The following YWHAQ variants were observed in gnomAD, a reference collection of about 807,000 sequenced individuals.
The protein encoded by YWHAQ is tyrosine 3-monooxygenase/tryptophan 5-monooxygenase activation protein theta.
Under a neutral mutation model 28.3 loss-of-function variants are expected in YWHAQ, and 6 were observed. The observed-to-expected ratio is 0.21, with a 90% CI of 0.12 to 0.42. The LOEUF (loss-of-function observed/expected upper bound fraction) is 0.42. Among genes scored for constraint, YWHAQ ranks in the 10% least tolerant of loss-of-function variants. The pLI, the probability that YWHAQ is intolerant of heterozygous loss-of-function variation, is 1.00. For synonymous variants in YWHAQ, 143 were observed against 119.1 expected (o/e 1.20, Z -1.31); for missense variants, 201 against 305.6 (o/e 0.66, Z 2.55).
chr2:9,586,138 T>G (rs943015162), intron 5 of YWHAQ, among the ~76,000 whole-genome samples: 5 of 152,200 alleles, frequency 3.3e-5, no homozygotes, highest in Non-Finnish European at 5.9e-5. Flanking sequence ...AAAGCAGACT[T>G]ACTTTGTGTT....
intron 2 of YWHAQ, among the ~76,000 whole-genome samples, chr2:9,594,273 T>A (rs941363759): frequency 2.6e-5 from 4 of 152,234 alleles, no homozygotes; most frequent in South Asian, 2.1e-4. Flanking sequence ...AATAGTTTTT[T>A]AATAAACTGA....
At chr2:9,613,076 A>G (rs1317697360) in intron 2 of YWHAQ, among the ~76,000 whole-genome samples, 1 of 152,212 alleles carries the variant, frequency 6.6e-6, no homozygotes, top group African/African-American at 2.4e-5. Context: ...CCATGAATGT[A>G]CACTATTTTA....
intron 2 of YWHAQ, among the ~76,000 whole-genome samples, chr2:9,592,437 T>G (rs1313397850): frequency 1.3e-5 from 2 of 152,080 alleles, no homozygotes; most frequent in Non-Finnish European, 2.9e-5. Context: ...TTTAAAAACC[T>G]TTTTAGGGCC....
At chr2:9,619,759 A>C (rs556778264) in intron 2 of YWHAQ, among the ~76,000 whole-genome samples, 18 of 152,198 alleles carry the variant, frequency 1.2e-4, no homozygotes, top group Non-Finnish European at 2.5e-4. Flanking sequence ...CCTCTTATCC[A>C]TCAGAATCCC....
intron 2 of YWHAQ, among the ~76,000 whole-genome samples, chr2:9,607,847 G>C (rs2125068732): frequency 6.6e-6 from 1 of 151,792 alleles, no homozygotes; most frequent in African/African-American, 2.4e-5. Flanking sequence ...AAGTAGCTGG[G>C]ACTACAGGTA....
chr2:9,589,262 T>A (rs1361188340), intron 3 of YWHAQ, among the ~76,000 whole-genome samples: 1 of 152,242 alleles, frequency 6.6e-6, no homozygotes, highest in Non-Finnish European at 1.5e-5. Flanking sequence ...CTTTTAATTC[T>A]ATTACTTGGA....
intron 2 of YWHAQ, among the ~76,000 whole-genome samples, chr2:9,629,578 A>G (rs1040339281): frequency 6.7e-6 from 1 of 150,154 alleles, no homozygotes; most frequent in African/African-American, 2.5e-5. Flanking sequence ...TTACCAGGAC[A>G]TTGTGTTCTT....
rs1162237743 is a variant in YWHAQ at position 9,630,885 on chromosome 2, C to T, written c.-83+56G>A. The T allele has an allele frequency of 1.3e-5, 2 of 152,656 alleles. No homozygotes were observed. 9.5% of individuals were successfully genotyped at this position (152,656 alleles called of 1,614,324 possible). On this transcript the variant is annotated intron_variant, in intron 1 of 5. Transcript: ENST00000238081. This position sits in a 1 kb window ranked among gnomAD's most constrained non-coding sequence, Gnocchi z 5.6. Reference sequence around the variant, plus strand: ...TGCTCTCAAGGGCGGCACCTCCGCCCGGCCCTCAATCCGAGCGCGGCCGGA... The same window carrying T: ...TGCTCTCAAGGGCGGCACCTCCGCCTGGCCCTCAATCCGAGCGCGGCCGGA...
intron 2 of YWHAQ, among the ~76,000 whole-genome samples, chr2:9,610,700 G>T (rs1435607956): frequency 2.0e-5 from 3 of 152,102 alleles, no homozygotes; most frequent in Non-Finnish European, 4.4e-5. Context: ...TAGAGACGGG[G>T]TTTCTCCATG....
chr2:9,616,575 T>G (rs1667045325), intron 2 of YWHAQ, among the ~76,000 whole-genome samples: 1 of 146,058 alleles, frequency 6.8e-6, no homozygotes, highest in South Asian at 2.1e-4. Context: ...CCATAATATA[T>G]TTAAAAAAAA....
At chr2:9,601,823 T>A (rs1572993437) in intron 2 of YWHAQ, among the ~76,000 whole-genome samples, 1 of 152,138 alleles carries the variant, frequency 6.6e-6, no homozygotes, top group Admixed American at 6.5e-5. Flanking sequence ...TTTCTTTTTG[T>A]ATTTTTAGCA....
At chr2:9,608,665 C>T (rs1217201523) in intron 2 of YWHAQ, among the ~76,000 whole-genome samples, 1 of 152,190 alleles carries the variant, frequency 6.6e-6, no homozygotes, top group Non-Finnish European at 1.5e-5. Context: ...TTAAAAATAA[C>T]AGGCTGGGTG....
intron 2 of YWHAQ, among the ~76,000 whole-genome samples, chr2:9,613,208 C>T (rs751863555): frequency 2.9e-4 from 44 of 152,102 alleles, no homozygotes; most frequent in Non-Finnish European, 6.0e-4. Context: ...TGTGAATTTG[C>T]TTTTCTGGAT....
At chr2:9,605,909 T>C (rs1666817940) in intron 2 of YWHAQ, among the ~76,000 whole-genome samples, 1 of 152,118 alleles carries the variant, frequency 6.6e-6, no homozygotes, top group South Asian at 2.1e-4. Flanking sequence ...TCTATGTATG[T>C]TCCCCTCTCC....
chr2:9,596,086 T>A (rs1666564287), intron 2 of YWHAQ, among the ~76,000 whole-genome samples: 1 of 152,164 alleles, frequency 6.6e-6, no homozygotes, highest in Non-Finnish European at 1.5e-5. Context: ...AGAATAAGTT[T>A]AATCTTAGAA....
chr2:9,622,174 T>TA (rs1167507515), intron 2 of YWHAQ, among the ~76,000 whole-genome samples: 2 of 149,372 alleles, frequency 1.3e-5, no homozygotes, highest in African/African-American at 2.5e-5. Flanking sequence ...TCCCAGAACT[T>TA]AAAGTATTAA....
At chr2:9,593,923 T>TATACACACACAC (rs377495113) in intron 2 of YWHAQ, among the ~76,000 whole-genome samples, 233 of 135,164 alleles carry the variant, frequency 1.7e-3, no homozygotes, top group African/African-American at 6.3e-3. Context: ...TATATATATA[T>TATACACACACAC]ACACACACAC....
Position 9,585,082 on chromosome 2 carries a change from C to T in YWHAQ, c.*204G>A, listed in dbSNP as rs985985030. The T allele has an allele frequency of 3.4e-6, 2 of 593,270 alleles. No individual in the cohort carries two copies. The highest frequency in any genetic ancestry group is 3.1e-5 in the Admixed American group (1 of 32,400). 36.8% of individuals were successfully genotyped at this position (593,270 alleles called of 1,614,324 possible). ...AAATGAAGCTATTAATACTTTTCTA[C>T]AGCAGTACTGCACACCAGGAAGGCC... On this transcript the variant is annotated 3_prime_UTR_variant, in exon 6 of 6. Coordinates refer to ENST00000238081, the MANE Select transcript of YWHAQ (RefSeq NM_006826.4).
At chr2:9,622,143 C>A (rs893847873) in intron 2 of YWHAQ, among the ~76,000 whole-genome samples, 4 of 151,542 alleles carry the variant, frequency 2.6e-5, no homozygotes, top group Admixed American at 6.6e-5. Flanking sequence ...ATGAAAGAAA[C>A]CTGCACGTCC....
Sources: allele counts gnomAD v4.1 joint callset (sites outside exome capture counted in the v4.1 genomes callset), GRCh38; gene constraint gnomAD v4.1.1; non-coding constraint Gnocchi (gnomAD v3.1); transcripts MANE v1.5; gene names NCBI Gene and HGNC (gene_info 2026-07-23, HGNC 2026-07-21).